Variants in SPON1 observed in about 807,000 individuals in gnomAD.
The protein encoded by SPON1 is spondin 1.
In SPON1, 52 loss-of-function variants were observed where a neutral mutation model predicts 111.7. The observed-to-expected ratio is 0.47, with a 90% confidence interval of 0.37 to 0.59. The LOEUF (loss-of-function observed/expected upper bound fraction) is 0.59, where lower values mean the gene tolerates loss of function less well. SPON1 is among the 20% of genes least tolerant of loss of function. The pLI, the probability that SPON1 is intolerant of heterozygous loss-of-function variation, is 0.00. For missense variants in SPON1, 957 were observed against 1,068.5 expected (o/e 0.90, Z 1.46); for synonymous variants, 410 against 395.8 (o/e 1.04, Z -0.43).
chr11:14,171,556 C>A (rs1423999991), intron 6 of SPON1, among the ~76,000 whole-genome samples: 3 of 152,028 alleles, frequency 2.0e-5, no homozygotes, highest in Non-Finnish European at 4.4e-5. Context: ...TTTGCTCTTG[C>A]TTCTCTAGTT....
intron 6 of SPON1, among the ~76,000 whole-genome samples, chr11:14,220,602 AG>A (rs1166143447): frequency 6.6e-6 from 1 of 152,230 alleles, no homozygotes; most frequent in Non-Finnish European, 1.5e-5. Context: ...TGACCTTAAA[AG>A]CATCTCTAAT....
chr11:14,026,613 C>T (rs900930918), intron 2 of SPON1, among the ~76,000 whole-genome samples: 1 of 152,122 alleles, frequency 6.6e-6, no homozygotes, highest in Non-Finnish European at 1.5e-5. Flanking sequence ...CAGTTTTGAT[C>T]CCATGCCGAT....
At chr11:14,197,661 A>T (rs1489214138) in intron 6 of SPON1, among the ~76,000 whole-genome samples, 2 of 151,112 alleles carry the variant, frequency 1.3e-5, no homozygotes, top group African/African-American at 4.9e-5. Context: ...AAAAAAAAAA[A>T]AAAAATTAGC....
intron 3 of SPON1, among the ~76,000 whole-genome samples, chr11:14,063,822 C>G (rs1337747851): frequency 6.6e-6 from 1 of 152,204 alleles, no homozygotes; most frequent in Non-Finnish European, 1.5e-5. Context: ...TTGAGTTCAG[C>G]CTCCGTGGTT....
chr11:13,983,062 C>A, intron 2 of SPON1, 109 bp downstream of exon 2: 1 of 681,544 alleles, frequency 1.5e-6, no homozygotes. Flanking sequence ...TGACCGTTGG[C>A]CAACGGGGGC....
At chr11:13,982,747 C>G in intron 1 of SPON1, 100 bp from the exon 2 acceptor site, 1 of 793,584 alleles carries the variant, frequency 1.3e-6, no homozygotes, top group Non-Finnish European at 2.1e-6. Flanking sequence ...CTGTAACTCA[C>G]AGGTCTGGGA....
chr11:14,059,297 T>G (rs938710951), intron 3 of SPON1, among the ~76,000 whole-genome samples: 8 of 152,146 alleles, frequency 5.3e-5, no homozygotes, highest in Non-Finnish European at 7.4e-5. Context: ...GGGGAAAGGC[T>G]GTGCCCAGCA....
chr11:14,246,367 A>T (rs1554940258), intron 7 of SPON1, among the ~76,000 whole-genome samples: 1 of 152,186 alleles, frequency 6.6e-6, no homozygotes, highest in South Asian at 2.1e-4. Flanking sequence ...CATTTTACCA[A>T]TGACCAAACT....
At chr11:14,164,285 C>T (rs1848001949) in intron 6 of SPON1, among the ~76,000 whole-genome samples, 1 of 152,108 alleles carries the variant, frequency 6.6e-6, no homozygotes, top group Admixed American at 6.6e-5. Context: ...AACATGTATC[C>T]CAGTATCAAT....
At chr11:14,170,397 T>C (rs1476154892) in intron 6 of SPON1, among the ~76,000 whole-genome samples, 1 of 152,220 alleles carries the variant, frequency 6.6e-6, no homozygotes, top group Non-Finnish European at 1.5e-5. Flanking sequence ...GATTTTGGGC[T>C]GAGAAGGTGG....
intron 6 of SPON1, among the ~76,000 whole-genome samples, chr11:14,201,440 C>G (rs1279038838): frequency 6.6e-6 from 1 of 151,748 alleles, no homozygotes; most frequent in African/African-American, 2.4e-5. Flanking sequence ...GCTCTATCAC[C>G]CAGGCTGGAG....
At chr11:14,248,174 G>A (rs1390398637) in intron 7 of SPON1, among the ~76,000 whole-genome samples, 3 of 152,110 alleles carry the variant, frequency 2.0e-5, no homozygotes, top group Admixed American at 6.5e-5. Flanking sequence ...TGGGTTTATC[G>A]ACAGGAAGGT....
chr11:14,152,079 A>G (rs1313730609), intron 6 of SPON1, among the ~76,000 whole-genome samples: 3 of 152,142 alleles, frequency 2.0e-5, no homozygotes, highest in African/African-American at 7.2e-5. Context: ...GTCTGCTCCT[A>G]AAAACAAAAG....
At chr11:14,161,229 T>C (rs371380223) in intron 6 of SPON1, among the ~76,000 whole-genome samples, 1,497 of 28,914 alleles carry the variant, frequency 0.052, 44 homozygotes, top group East Asian at 0.12. Flanking sequence ...CTATATATAT[T>C]TATATATTTA....
intron 3 of SPON1, among the ~76,000 whole-genome samples, chr11:14,055,280 A>T (rs1251362079): frequency 6.6e-6 from 1 of 152,146 alleles, no homozygotes; most frequent in East Asian, 1.9e-4. Flanking sequence ...TGCTATGCTA[A>T]AAAAGATCCC....
intron 6 of SPON1, among the ~76,000 whole-genome samples, chr11:14,223,369 T>G (rs1480535628): frequency 2.0e-5 from 3 of 152,146 alleles, no homozygotes; most frequent in African/African-American, 7.2e-5. Flanking sequence ...GTCTCATAAA[T>G]AAATAAATAG....
At chr11:14,196,730 G>A (rs541838748) in intron 6 of SPON1, among the ~76,000 whole-genome samples, 2 of 152,228 alleles carry the variant, frequency 1.3e-5, no homozygotes, top group East Asian at 3.9e-4. Flanking sequence ...GCCTCTTCCA[G>A]AACTTTTGAG....
chr11:14,013,799 G>A lies in SPON1; in HGVS notation c.346-27722G>A, dbSNP rs75376202. Among the ~76,000 whole-genome samples the A allele has an allele frequency of 0.034, 5,124 of 152,170 alleles. 582 individuals carry two copies. In the East Asian group the frequency reaches 0.4, roughly 12 times the overall value. On this transcript the variant is annotated intron_variant, in intron 2 of 15. Coordinates refer to ENST00000576479, the MANE Select transcript of SPON1 (RefSeq NM_006108.4). The stretch of plus-strand genomic sequence containing the variant: ...ACCTCTAATCTTCACAAGCAATCTA[G>A]GAAAAGTGTTATGAACATTTTAGAG...
intron 1 of SPON1, among the ~76,000 whole-genome samples, chr11:13,979,597 C>T (rs568457095): frequency 1.6e-4 from 25 of 152,164 alleles, no homozygotes; most frequent in East Asian, 3.9e-4. Flanking sequence ...TCAGATCCTG[C>T]GGGGCCATTT....
Sources: gnomAD v4.1 joint callset for allele counts (sites outside exome capture counted in the v4.1 genomes callset) on GRCh38, gnomAD v4.1.1 for gene constraint, MANE v1.5 for transcripts, NCBI Gene and HGNC (gene_info 2026-07-23, HGNC 2026-07-21) for gene names.